Variants in CFLAR observed in about 807,000 individuals in gnomAD.
CFLAR encodes CASP8 and FADD-like apoptosis regulator.
Under a neutral mutation model 51.1 loss-of-function variants are expected in CFLAR, and 14 were observed. That is an observed-to-expected ratio of 0.27 (90% CI 0.18 to 0.43). The LOEUF (loss-of-function observed/expected upper bound fraction) is 0.43. Ranked by LOEUF, CFLAR falls within the 20% of genes least tolerant of loss-of-function variation. The pLI, the probability that CFLAR is intolerant of heterozygous loss-of-function variation, is 1.00. For synonymous variants in CFLAR, 210 were observed against 211.6 expected (o/e 0.99, Z 0.06); for missense variants, 390 against 566.5 (o/e 0.69, Z 3.16).
Position 201,168,822 on chromosome 2 carries a change from A to G in CFLAR, c.*4849A>G, listed in dbSNP as rs991761160. ...ATCACAAGCATTCTATACACCAACA[A>G]TACACAAGCAGAGAGCCAAATCATG... On this transcript the variant is annotated 3_prime_UTR_variant, in exon 10 of 10. Coordinates refer to ENST00000309955, the MANE Select transcript of CFLAR (RefSeq NM_003879.7). The G allele has an allele frequency of 3.3e-5, 5 of 152,184 alleles. No homozygotes were observed. Among genetic ancestry groups the G allele is most frequent in the African/African-American group, 1.2e-4 (5 of 41,440 alleles). 9.4% of individuals were successfully genotyped at this position (152,184 alleles called of 1,614,324 possible).
At chr2:201,146,144 A>T (rs1040009646) in intron 6 of CFLAR, among the ~76,000 whole-genome samples, 3 of 146,068 alleles carry the variant, frequency 2.1e-5, no homozygotes, top group Admixed American at 1.4e-4. Flanking sequence ...TTTTTTTCTT[A>T]TCTTTTCTTT....
At chr2:201,122,563 A>G (rs2048294880) in intron 1 of CFLAR, 1 of 152,228 alleles carries the variant, frequency 6.6e-6, no homozygotes, top group Non-Finnish European at 1.5e-5. Context: ...AAGATGAGTA[A>G]AAGCCTATCT....
chr2:201,121,097 A>G (rs1448936032), intron 1 of CFLAR, among the ~76,000 whole-genome samples: 1 of 152,206 alleles, frequency 6.6e-6, no homozygotes, highest in Non-Finnish European at 1.5e-5. Flanking sequence ...AACCTTGGCC[A>G]TGGTATGCTA....
At position 201,169,166 on chromosome 2, in the gene CFLAR, C is replaced by CA. The variant is rs1473989562; in HGVS notation, c.*5198dup. ...CCCGTATAACCAAGACAACAATAAG[C>CA]AAAAAGAACAAAGCTGGAAGCATCA... On this transcript the variant is annotated 3_prime_UTR_variant, in exon 10 of 10. Coordinates refer to ENST00000309955, the MANE Select transcript of CFLAR (RefSeq NM_003879.7). 1 of 151,928 alleles carries CA rather than the reference C, an allele frequency of 6.6e-6. No individual in the cohort carries two copies. Among genetic ancestry groups the CA allele is most frequent in the East Asian group, 1.9e-4 (1 of 5,196 alleles). The allele number at this position is 151,928 out of a possible 1,614,324, so 9.4% of individuals were successfully genotyped here.
At chr2:201,143,544 A>G (rs1220384948) in intron 5 of CFLAR, 1 of 152,226 alleles carries the variant, frequency 6.6e-6, no homozygotes, top group Non-Finnish European at 1.5e-5. Flanking sequence ...TGGCATATGA[A>G]TGCAGTGACT....
chr2:201,140,678 A>G (rs1371385007), intron 5 of CFLAR: 2 of 395,752 alleles, frequency 5.1e-6, no homozygotes, highest in Non-Finnish European at 9.0e-6. Context: ...TCCACTATCC[A>G]AAGACAACCA....
chr2:201,149,237 A>C, intron 7 of CFLAR, 185 bp downstream of exon 7: 1 of 505,878 alleles, frequency 2.0e-6, no homozygotes. Flanking sequence ...AGTGGATTGC[A>C]TTAGTGAACT....
At chr2:201,156,052 T>C (rs977163895) in intron 8 of CFLAR, among the ~76,000 whole-genome samples, 4 of 152,208 alleles carry the variant, frequency 2.6e-5, no homozygotes, top group Non-Finnish European at 5.9e-5. Flanking sequence ...AGCCACCACG[T>C]AATCTTTGTT....
chr2:201,156,284 G>T (rs1942168612), intron 8 of CFLAR, among the ~76,000 whole-genome samples: 2 of 152,206 alleles, frequency 1.3e-5, no homozygotes, highest in Non-Finnish European at 2.9e-5. Flanking sequence ...AAGGCTCTGA[G>T]AATTCTTCCT....
In CFLAR at chr2:201,165,253, A is replaced by C. The variant is rs536412059; in HGVS notation, c.*1280A>C. 403 of 79,876 alleles carry C rather than the reference A, an allele frequency of 5.0e-3. 2 individuals are homozygous for C. The highest frequency in any genetic ancestry group is 0.012 in the African/African-American group (390 of 31,204). 4.9% of individuals were successfully genotyped at this position (79,876 alleles called of 1,614,324 possible). A position where few individuals can be genotyped will look rare whatever the true frequency, so the allele number is the denominator to read the frequency against. Reference sequence around the variant, plus strand: ...ATCATTAGAGTTGCTTATTATTATTATTATTATTATTATTATTATTATTAT... The same window carrying C: ...ATCATTAGAGTTGCTTATTATTATTCTTATTATTATTATTATTATTATTAT... On this transcript the variant is annotated 3_prime_UTR_variant, in exon 10 of 10. Transcript: ENST00000309955.
chr2:201,138,569 G>A lies in CFLAR; in HGVS notation c.524-1788G>A, dbSNP rs1487322580. On this transcript the variant is annotated intron_variant, in intron 4 of 9. Coordinates refer to ENST00000309955, the MANE Select transcript of CFLAR (RefSeq NM_003879.7). The surrounding 1 kb of genome is among the most constrained non-coding windows in gnomAD (Gnocchi z 4.0). ...TGTGGTCCTTCTCAGCAAGAAAGTCGATGTCTCGGGAGGTGACGATGCCCA... is the reference window on the plus strand; with the variant it reads ...TGTGGTCCTTCTCAGCAAGAAAGTCAATGTCTCGGGAGGTGACGATGCCCA... 1.8e-5 allele frequency: 28 copies of A among 1,595,312 alleles called. No homozygotes were observed. The highest frequency in any genetic ancestry group is 2.3e-4 in the Middle Eastern group (1 of 4,428).
At chr2:201,143,271 CGA>C (rs1939369872) in intron 5 of CFLAR, 1 of 150,684 alleles carries the variant, frequency 6.6e-6, no homozygotes, top group Admixed American at 6.6e-5. Flanking sequence ...CACCTGAGGT[CGA>C]GAGTTTGAGA....
At position 201,116,813 on chromosome 2, in the gene CFLAR, T is replaced by G. The variant is rs1411862895; in HGVS notation, c.-138+332T>G. 1 of 152,224 alleles carries G rather than the reference T, an allele frequency of 6.6e-6. No individual in the cohort carries two copies. The highest frequency in any genetic ancestry group is 1.9e-4 in the East Asian group (1 of 5,196). The allele number at this position is 152,224 out of a possible 1,614,324, so 9.4% of individuals were successfully genotyped here. ...CTTCTACCCGCAACTCCGCCCCGGATTCCCAGAAAGGGGCGACCTGGGCCA... is the reference window on the plus strand; with the variant it reads ...CTTCTACCCGCAACTCCGCCCCGGAGTCCCAGAAAGGGGCGACCTGGGCCA... On this transcript the variant is annotated intron_variant, in intron 1 of 9. Coordinates refer to ENST00000309955, the MANE Select transcript of CFLAR (RefSeq NM_003879.7). The surrounding 1 kb of genome is among the most constrained non-coding windows in gnomAD (Gnocchi z 4.8).
Position 201,136,200 on chromosome 2 carries a change from G to A in CFLAR, c.523+93G>A, listed in dbSNP as rs769210498. On this transcript the variant is annotated intron_variant, in intron 4 of 9. Transcript: ENST00000309955. ...ATAAATATTCATTTGTTGGATAGGTGGATGGAATGGAACCTGGATGACCAA... is the reference window on the plus strand; with the variant it reads ...ATAAATATTCATTTGTTGGATAGGTAGATGGAATGGAACCTGGATGACCAA... 3.1e-6 allele frequency: 5 copies of A among 1,611,232 alleles called. No homozygotes were observed. The Admixed American group carries it at 6.7e-5, about 21-fold the overall frequency.
chr2:201,159,396 A>G (rs574844673), intron 8 of CFLAR, among the ~76,000 whole-genome samples: 1 of 150,902 alleles, frequency 6.6e-6, no homozygotes, highest in African/African-American at 2.4e-5. Context: ...TGCAACCTCC[A>G]CCTCCTGGGT....
chr2:201,142,333 G>A (rs543204610), intron 5 of CFLAR, among the ~76,000 whole-genome samples: 2 of 151,560 alleles, frequency 1.3e-5, no homozygotes, highest in African/African-American at 4.8e-5. Context: ...AATATGTAAT[G>A]AAAACCCACT....
At position 201,169,221 on chromosome 2, in the gene CFLAR, G is replaced by A. The variant is rs533275135; in HGVS notation, c.*5248G>A. ...ACCCAACTTCAAAGTATACTGCAAGGCTACAGTAGCCAAAATGGCATGGTA... is the reference window on the plus strand; with the variant it reads ...ACCCAACTTCAAAGTATACTGCAAGACTACAGTAGCCAAAATGGCATGGTA... On this transcript the variant is annotated 3_prime_UTR_variant, in exon 10 of 10. Transcript: ENST00000309955. 6.6e-6 allele frequency: 1 copy of A among 152,228 alleles called. No homozygotes were observed. Among genetic ancestry groups the A allele is most frequent in the African/African-American group, 2.4e-5 (1 of 41,542 alleles). 9.4% of individuals were successfully genotyped at this position (152,228 alleles called of 1,614,324 possible).
chr2:201,159,636 G>C (rs1229960908), intron 8 of CFLAR, among the ~76,000 whole-genome samples: 1 of 152,134 alleles, frequency 6.6e-6, no homozygotes, highest in African/African-American at 2.4e-5. Flanking sequence ...CCTTAGTTGT[G>C]GGCCAAGCAA....
At position 201,124,690 on chromosome 2, in the gene CFLAR, G is replaced by A. The variant is rs146439153; in HGVS notation, c.-137-5039G>A. 1.3e-5 allele frequency among the ~76,000 whole-genome samples: 2 copies of A among 152,284 alleles called. No homozygotes were observed. Among genetic ancestry groups the A allele is most frequent in the Middle Eastern group, 3.4e-3 (1 of 294 alleles). On this transcript the variant is annotated intron_variant, in intron 1 of 9. Coordinates refer to ENST00000309955, the MANE Select transcript of CFLAR (RefSeq NM_003879.7). The surrounding 1 kb of genome is among the most constrained non-coding windows in gnomAD (Gnocchi z 4.7). Reference sequence around the variant, plus strand: ...TAGATGGAAGGTAGATTTGGAGAGGGTGAGGTCTAAAGCAGGGGGAACAGA... The same window carrying A: ...TAGATGGAAGGTAGATTTGGAGAGGATGAGGTCTAAAGCAGGGGGAACAGA...
Sources: allele counts gnomAD v4.1 joint callset (sites outside exome capture counted in the v4.1 genomes callset), GRCh38; gene constraint gnomAD v4.1.1; non-coding constraint Gnocchi (gnomAD v3.1); transcripts MANE v1.5; gene names NCBI Gene and HGNC (gene_info 2026-07-23, HGNC 2026-07-21).